SPEF2: variants seen among roughly 807,000 people sequenced by gnomAD.
SPEF2 encodes sperm flagella and cilia-associated protein 2.
SPEF2 carries 187 observed loss-of-function variants against 224.6 expected under a neutral mutation model. The observed-to-expected ratio is 0.83, with a 90% CI of 0.74 to 0.94. The LOEUF (loss-of-function observed/expected upper bound fraction) is 0.94, where lower values mean the gene tolerates loss of function less well. SPEF2 is among the 40% of genes least tolerant of loss of function. The pLI, the probability that SPEF2 is intolerant of heterozygous loss-of-function variation, is 0.00. For synonymous variants in SPEF2, 715 were observed against 707.3 expected (o/e 1.01, Z -0.17); for missense variants, 2,170 against 2,135.6 (o/e 1.02, Z -0.32).
chr5:35,805,440 T>C (rs1757940191), intron 34 of SPEF2, among the ~76,000 whole-genome samples: 2 of 152,192 alleles, frequency 1.3e-5, no homozygotes, highest in African/African-American at 4.8e-5. Context: ...TTGCACAATC[T>C]ATAGACTTGA....
At chr5:35,783,970 G>T (rs1447755276) in intron 30 of SPEF2, among the ~76,000 whole-genome samples, 1 of 151,982 alleles carries the variant, frequency 6.6e-6, no homozygotes, top group Admixed American at 6.5e-5. Context: ...AGCTATTTTC[G>T]CTTCTGCTGA....
chr5:35,800,276 C>T lies in SPEF2; in HGVS notation c.5010+129C>T, dbSNP rs1757248289. 5 of 963,246 alleles carry T rather than the reference C, an allele frequency of 5.2e-6. No individual in the cohort carries two copies. The East Asian group carries it at 1.3e-4, about 26-fold the overall frequency. The allele number at this position is 963,246 out of a possible 1,614,324, so 59.7% of individuals were successfully genotyped here. A position where few individuals can be genotyped will look rare whatever the true frequency, so the allele number is the denominator to read the frequency against. On this transcript the variant is annotated intron_variant, in intron 34 of 36. Transcript: ENST00000356031. ...TAGGTGTGTAATATGATGCTTTACA[C>T]ATACTAGGTCTTCAACAAAGCCTTA...
At chr5:35,678,510 C>G (rs1255786293) in intron 10 of SPEF2, 1 of 152,290 alleles carries the variant, frequency 6.6e-6, no homozygotes, top group East Asian at 1.9e-4. Context: ...CCCCTGCCCA[C>G]TGGCTCCTCT....
chr5:35,750,024 G>T (rs1466591800), intron 23 of SPEF2, among the ~76,000 whole-genome samples: 2 of 152,140 alleles, frequency 1.3e-5, no homozygotes, highest in African/African-American at 4.8e-5. Flanking sequence ...CAATGGAACA[G>T]AATAGAGAAC....
intron 23 of SPEF2, among the ~76,000 whole-genome samples, chr5:35,742,267 G>T (rs1025806933): frequency 1.3e-5 from 2 of 152,004 alleles, no homozygotes; most frequent in Admixed American, 1.3e-4. Context: ...TTATTACAGA[G>T]AATTTTACAG....
At chr5:35,687,272 A>T (rs568586440) in intron 10 of SPEF2, among the ~76,000 whole-genome samples, 6 of 152,286 alleles carry the variant, frequency 3.9e-5, no homozygotes, top group African/African-American at 7.2e-5. Context: ...AAACTTTTAC[A>T]TATAATTAGA....
In SPEF2 at chr5:35,740,027, G is replaced by T. The variant is rs1311344659; in HGVS notation, c.3172G>T (p.Ala1058Ser). The T allele has an allele frequency of 6.2e-7, 1 of 1,614,124 alleles. No homozygotes were observed. Among genetic ancestry groups the T allele is most frequent in the East Asian group, 2.2e-5 (1 of 44,864 alleles). The change falls in exon 22 of 37, where the codon GCT (alanine) becomes TCT (serine). Residue 1058 changes from alanine (A) to serine (S), a missense_variant. Ala to Ser is a moderately conservative substitution (Grantham distance 99). Coordinates refer to ENST00000356031, the MANE Select transcript of SPEF2 (RefSeq NM_024867.4). ...HLREDQHTVL[A>S]YLYEIRTSFQ... ...GAGGGAAGACCAGCATACTGTGCTT[G>T]CTTACTTATATGAGATTAGGTAAGT...
rs551577629 is a variant in SPEF2, at chr5:35,796,373, C to T, written c.4830+578C>T. ...CTGTAATCCCAGCACTTTGGGAGGCCGAGGCAGGCTGATCACAAGGTCAGT... is the reference window on the plus strand; with the variant it reads ...CTGTAATCCCAGCACTTTGGGAGGCTGAGGCAGGCTGATCACAAGGTCAGT... On this transcript the variant is annotated intron_variant, in intron 33 of 36. Coordinates refer to ENST00000356031, the MANE Select transcript of SPEF2 (RefSeq NM_024867.4). Among the ~76,000 whole-genome samples the T allele has an allele frequency of 7.2e-5, 11 of 152,164 alleles. No homozygotes were observed. The East Asian group carries it at 1.7e-3, about 24-fold the overall frequency.
chr5:35,789,514 G>A (rs933582524), intron 30 of SPEF2: 6 of 651,242 alleles, frequency 9.2e-6, no homozygotes, highest in South Asian at 1.8e-5. Context: ...CCAAAAGAAC[G>A]CATGGTGGAT....
intron 17 of SPEF2, among the ~76,000 whole-genome samples, chr5:35,704,909 A>C (rs1402249610): frequency 6.6e-6 from 1 of 152,108 alleles, no homozygotes; most frequent in Non-Finnish European, 1.5e-5. Flanking sequence ...TTACGGTTAC[A>C]TGCACTTATA....
chr5:35,794,606 T>C (rs1219241754), intron 32 of SPEF2, among the ~76,000 whole-genome samples: 1 of 152,234 alleles, frequency 6.6e-6, no homozygotes, highest in Non-Finnish European at 1.5e-5. Context: ...TCTGTTTCCA[T>C]AGCTGTCTTA....
chr5:35,789,724 C>T (rs921709669), intron 30 of SPEF2: 2 of 676,860 alleles, frequency 3.0e-6, no homozygotes, highest in African/African-American at 3.6e-5. Context: ...TATGTGCTGA[C>T]TTTGAACCTA....
intron 23 of SPEF2, among the ~76,000 whole-genome samples, chr5:35,751,076 TATACACACACACACACACAC>T (rs1580580924): frequency 2.6e-4 from 13 of 50,382 alleles, no homozygotes; most frequent in East Asian, 1.6e-3. Flanking sequence ...TGTATATATA[TATACACACACACACACACAC>T]ATATATATAT....
In SPEF2 at chr5:35,667,080, A is replaced by G. The variant is rs926849018; in HGVS notation, c.1176A>G (p.Ala392=). 5.0e-6 allele frequency: 8 copies of G among 1,600,706 alleles called. No homozygotes were observed. The Admixed American group carries it at 5.3e-5, about 11-fold the overall frequency. ...QDALDREAAL[A]KQAKIDFEEQ... ...TGTTTTTGCCTTTTTAGGCTTTGGC[A>G]AAACAAGCCAAGATTGACTTTGAAG... Residue 392 remains alanine, a synonymous_variant, in exon 9 of 37, where the codon GCA becomes GCG. Transcript: ENST00000356031.
At chr5:35,710,863 T>C (rs1190399915) in intron 19 of SPEF2, 1 of 985,256 alleles carries the variant, frequency 1.0e-6, no homozygotes, top group Non-Finnish European at 1.2e-6. Flanking sequence ...GTGGTTGTAC[T>C]TGTCTTTTTT....
At chr5:35,806,556 A>T in intron 34 of SPEF2, 151 bp from the exon 35 acceptor site, 1 of 902,458 alleles carries the variant, frequency 1.1e-6, no homozygotes, top group Non-Finnish European at 1.7e-6. Context: ...CAAGGCAGCT[A>T]GTGTATTCTC....
rs781177231 is a variant in SPEF2, at chr5:35,779,136, G to A, written c.4237G>A (p.Val1413Ile). 1.7e-5 allele frequency: 28 copies of A among 1,612,988 alleles called. No individual in the cohort carries two copies. The highest frequency in any genetic ancestry group is 3.3e-4 in the Middle Eastern group (2 of 6,076). ...EMASTEKLTD[V>I]ARYHIETSTK... ...TTTCAGTACAGAAAAATTAACTGAC[G>A]TAGCTCGCTATCACATTGAAACATC... Residue 1413 changes from valine (V) to isoleucine (I), a missense_variant, in exon 30 of 37, where the codon GTA becomes ATA. Transcript: ENST00000356031.
chr5:35,701,997 C>CT (rs1738739302), intron 16 of SPEF2, among the ~76,000 whole-genome samples: 1 of 152,030 alleles, frequency 6.6e-6, no homozygotes. Flanking sequence ...TTGCATTGCT[C>CT]TGTAGATAAT....
intron 16 of SPEF2, among the ~76,000 whole-genome samples, chr5:35,701,762 CGAGCCCAG>C (rs1738690783): frequency 6.6e-6 from 1 of 152,074 alleles, no homozygotes; most frequent in Non-Finnish European, 1.5e-5. Flanking sequence ...TTGAAATACT[CGAGCCCAG>C]GAGTTTGAGA....
Sources: gnomAD v4.1 joint callset for allele counts (sites outside exome capture counted in the v4.1 genomes callset) on GRCh38, gnomAD v4.1.1 for gene constraint, MANE v1.5 for transcripts, NCBI Gene and HGNC (gene_info 2026-07-23, HGNC 2026-07-21) for gene names.